The following BRD8 variants were observed in gnomAD, a reference collection of about 807,000 sequenced individuals.
BRD8 encodes the protein bromodomain-containing protein 8.
A neutral mutation model predicts 143.1 loss-of-function variants in BRD8; 67 were observed. The observed-to-expected ratio is 0.47, with a 90% CI of 0.38 to 0.57. The LOEUF (loss-of-function observed/expected upper bound fraction) is 0.57. Among genes scored for constraint, BRD8 ranks in the 20% least tolerant of loss-of-function variants. BRD8 has a pLI of 0.00. For missense variants in BRD8, 1,103 were observed against 1,503.0 expected, an observed-to-expected ratio of 0.73 and a Z score of 4.40; for synonymous variants, 505 against 517.1, an observed-to-expected ratio of 0.98 and a Z score of 0.32.
At chr5:138,143,399 A>G (rs944512674) in intron 25 of BRD8, among the ~76,000 whole-genome samples, 2 of 152,190 alleles carry the variant, frequency 1.3e-5, no homozygotes, top group African/African-American at 4.8e-5. Context: ...AGATTGCTTG[A>G]GCCCAGGAGG....
intron 20 of BRD8, 96 bp downstream of exon 20, chr5:138,159,457 CCA>C: frequency 7.8e-7 from 1 of 1,279,346 alleles, no homozygotes; most frequent in Non-Finnish European, 1.1e-6. Context: ...CAAGACACTG[CCA>C]CAGTCTGCAT....
intron 2 of BRD8, among the ~76,000 whole-genome samples, chr5:138,176,538 C>T (rs550153842): frequency 6.6e-6 from 1 of 152,284 alleles, no homozygotes; most frequent in Non-Finnish European, 1.5e-5. Context: ...CTAACTACTA[C>T]ACTCCAGCCT....
At chr5:138,171,305 T>A (rs960261031) in intron 4 of BRD8, 56 bp downstream of exon 4, 6 of 1,463,390 alleles carry the variant, frequency 4.1e-6, no homozygotes, top group Non-Finnish European at 5.7e-6. Context: ...CCAGAATTCC[T>A]CAGTAAATAC....
chr5:138,140,942 C>T (rs1436135450), intron 25 of BRD8, 60 bp from the exon 26 acceptor site: 3 of 1,554,646 alleles, frequency 1.9e-6, no homozygotes, highest in East Asian at 2.2e-5. Flanking sequence ...ATATGATAAC[C>T]TAACACGTTC....
chr5:138,158,432 CT>C (rs961131597), intron 20 of BRD8, among the ~76,000 whole-genome samples: 36 of 149,418 alleles, frequency 2.4e-4, no homozygotes, highest in African/African-American at 6.6e-4. Context: ...GCAGTGGTCA[CT>C]TTTTTTTTTC....
chr5:138,170,926 G>C lies in BRD8; in HGVS notation c.360-14C>G, dbSNP rs892550871. On this transcript the variant is annotated splice_polypyrimidine_tract_variant and intron_variant, in intron 5 of 26. Transcript: ENST00000254900. ...CTCTTTAGCCGTCTATAGGAAGAAA[G>C]AGAGGTAGGTAGACTGGGTTTTTTA... 3.7e-6 allele frequency: 6 copies of C among 1,613,744 alleles called. No individual in the cohort carries two copies. In the African/African-American group the frequency reaches 8.0e-5, roughly 22 times the overall value.
rs182849126 is a variant in BRD8 at position 138,153,254 on chromosome 5, A to G, written c.2578-494T>C. Among the ~76,000 whole-genome samples, 7 of 152,340 alleles carry G rather than the reference A, an allele frequency of 4.6e-5. No homozygotes were observed. In the East Asian group the frequency reaches 1.3e-3, roughly 29 times the overall value. On this transcript the variant is annotated intron_variant, in intron 20 of 26. Coordinates refer to ENST00000254900, the MANE Select transcript of BRD8 (RefSeq NM_139199.2). ...GATTGCCTTTGGCATCCTTCTGGTCATATCCAAATTGATGTTGAGAAACAT... is the reference window on the plus strand; with the variant it reads ...GATTGCCTTTGGCATCCTTCTGGTCGTATCCAAATTGATGTTGAGAAACAT...
chr5:138,177,680 G>GGAGA lies in BRD8; in HGVS notation c.20-14_20-13insTCTC. The GGAGA allele has an allele frequency of 8.3e-7, 1 of 1,201,810 alleles. No homozygotes were observed. The highest frequency in any genetic ancestry group is 2.5e-5 in the East Asian group (1 of 39,944). The allele number at this position is 1,201,810 out of a possible 1,614,324, so 74.4% of individuals were successfully genotyped here. A position where few individuals can be genotyped will look rare whatever the true frequency, so the allele number is the denominator to read the frequency against. On this transcript the variant is annotated splice_polypyrimidine_tract_variant and intron_variant, in intron 1 of 26. Coordinates refer to ENST00000254900, the MANE Select transcript of BRD8 (RefSeq NM_139199.2). ...AGCAGCTTGTGTTCTGGGAAAGGGA[G>GGAGA]AAAAAAAAAAAAGCCTTGGAAACAA...
At position 138,145,815 on chromosome 5, in the gene BRD8, T is replaced by C. The variant is rs1446735510; in HGVS notation, c.3342A>G (p.Pro1114=). The change falls in exon 24 of 27, where the codon CCA becomes CCG. Residue 1114 remains proline (P), a synonymous_variant. Transcript: ENST00000254900. ...DHLLFKKTLL[P]VWKMIASHRF... is the part of the protein sequence containing the mutation. The stretch of plus-strand genomic sequence containing the variant: ...TGTGACTGGCAATCATCTTCCAGAC[T>C]GGCAGGAGAGTCTTCTTAAATAGCA... 1 of 1,614,100 alleles carries C rather than the reference T, an allele frequency of 6.2e-7. No homozygotes were observed. The highest frequency in any genetic ancestry group is 8.5e-7 in the Non-Finnish European group (1 of 1,179,948).
Position 138,166,050 on chromosome 5 carries a change from A to G in BRD8, c.1056T>C (p.Thr352=), listed in dbSNP as rs571394146. Reference sequence around the variant, plus strand: ...ATATTTCACTGCTGTCCATGGAAACAGTCACAGTATGTGGATCCCCCACAG... The same window carrying G: ...ATATTTCACTGCTGTCCATGGAAACGGTCACAGTATGTGGATCCCCCACAG... ...MEAVGDPHTV[T]VSMDSSEISM... is the part of the protein sequence containing the mutation. Residue 352 remains threonine, a synonymous_variant, in exon 11 of 27, where the codon ACT becomes ACC. Transcript: ENST00000254900. 8.7e-6 allele frequency: 14 copies of G among 1,614,176 alleles called. No individual in the cohort carries two copies. The African/African-American group carries it at 1.6e-4, about 18-fold the overall frequency.
In BRD8 at chr5:138,171,135, C is replaced by A; in HGVS notation, c.262G>T (p.Val88Leu). The change falls in exon 5 of 27, where the codon GTG becomes TTG. Residue 88 changes from valine (V) to leucine (L), a missense_variant. Coordinates refer to ENST00000254900, the MANE Select transcript of BRD8 (RefSeq NM_139199.2). Reference sequence around the variant, plus strand: ...ATAACATCTTCAACAGTTTCCACCACTTCTCCCTTTTCACCTCGTTTCCGT... The same window carrying A: ...ATAACATCTTCAACAGTTTCCACCAATTCTCCCTTTTCACCTCGTTTCCGT... Reference protein sequence around the residue: ...PKRKRGEKGEVVETVEDVIVR... With the variant: ...PKRKRGEKGELVETVEDVIVR... 4 of 1,613,092 alleles carry A rather than the reference C, an allele frequency of 2.5e-6. No individual in the cohort carries two copies. The highest frequency in any genetic ancestry group is 3.4e-6 in the Non-Finnish European group (4 of 1,179,616).
At chr5:138,152,876 T>A in intron 20 of BRD8, 116 bp from the exon 21 acceptor site, 1 of 1,045,326 alleles carries the variant, frequency 9.6e-7, no homozygotes, top group Non-Finnish European at 1.4e-6. Flanking sequence ...TGTATTCAAG[T>A]ATTCATCATT....
Position 138,170,326 on chromosome 5 carries a change from C to A in BRD8, c.505+19G>T, listed in dbSNP as rs1182279038. On this transcript the variant is annotated intron_variant, in intron 7 of 26. Coordinates refer to ENST00000254900, the MANE Select transcript of BRD8 (RefSeq NM_139199.2). ...ACTGTGCAATCAATTGCTAAAGAGGCATACTAGGTTCAGCTTACCCTGGTA... is the reference window on the plus strand; with the variant it reads ...ACTGTGCAATCAATTGCTAAAGAGGAATACTAGGTTCAGCTTACCCTGGTA... 2.0e-6 allele frequency: 3 copies of A among 1,523,004 alleles called. No individual in the cohort carries two copies. The South Asian group carries it at 3.4e-5, about 17-fold the overall frequency. 94.3% of individuals were successfully genotyped at this position (1,523,004 alleles called of 1,614,324 possible).
chr5:138,142,525 G>C (rs554617481), intron 25 of BRD8, among the ~76,000 whole-genome samples: 2 of 151,704 alleles, frequency 1.3e-5, no homozygotes, highest in Non-Finnish European at 2.9e-5. Flanking sequence ...AGCACTTTGG[G>C]AGGCCGAGGC....
At chr5:138,171,308 G>A in intron 4 of BRD8, 53 bp downstream of exon 4, 2 of 1,478,990 alleles carry the variant, frequency 1.4e-6, no homozygotes, top group South Asian at 2.3e-5. Context: ...GAATTCCTCA[G>A]TAAATACTCT....
chr5:138,156,284 C>G (rs1235089817), intron 20 of BRD8, among the ~76,000 whole-genome samples: 2 of 152,052 alleles, frequency 1.3e-5, no homozygotes, highest in Non-Finnish European at 2.9e-5. Context: ...GGACTACAGA[C>G]ATGCGCCACC....
Position 138,150,624 on chromosome 5 carries a change from A to G in BRD8, c.3120+121T>C. The G allele has an allele frequency of 6.0e-6, 7 of 1,175,330 alleles. No homozygotes were observed. The South Asian group carries it at 9.7e-5, about 16-fold the overall frequency. The allele number at this position is 1,175,330 out of a possible 1,614,324, so 72.8% of individuals were successfully genotyped here. ...GGTAACACAGCTAAAACTGGTGCTA[A>G]ATCCAGGATTTGGATCCAGGTAGTT... is the stretch of plus-strand genomic sequence containing the variant. On this transcript the variant is annotated intron_variant, in intron 22 of 26. Coordinates refer to ENST00000254900, the MANE Select transcript of BRD8 (RefSeq NM_139199.2).
At chr5:138,159,957 A>G in intron 19 of BRD8, 112 bp downstream of exon 19, 2 of 758,500 alleles carry the variant, frequency 2.6e-6, no homozygotes, top group South Asian at 1.6e-5. Context: ...ATGTGTCTGT[A>G]TATCATTGGA....
chr5:138,165,288 G>T, intron 11 of BRD8, 122 bp from the exon 12 acceptor site: 1 of 1,073,048 alleles, frequency 9.3e-7, no homozygotes, highest in African/African-American at 1.6e-5. Flanking sequence ...TCCATGTAGT[G>T]GAGGCAAACA....
Sources: gnomAD v4.1 joint callset for allele counts (sites outside exome capture counted in the v4.1 genomes callset) on GRCh38, gnomAD v4.1.1 for gene constraint, MANE v1.5 for transcripts, NCBI Gene and HGNC (gene_info 2026-07-23, HGNC 2026-07-21) for gene names.